The following KCNH1 variants were observed in gnomAD, a reference collection of about 807,000 sequenced individuals.
The protein encoded by KCNH1 is potassium voltage-gated channel subfamily H member 1.
Under a neutral mutation model 69.2 loss-of-function variants are expected in KCNH1, and 27 were observed. The observed-to-expected ratio is 0.39, with a 90% CI of 0.29 to 0.54. The LOEUF (loss-of-function observed/expected upper bound fraction) is 0.54. Ranked by LOEUF, KCNH1 falls within the 20% of genes least tolerant of loss-of-function variation. The pLI, the probability that KCNH1 is intolerant of heterozygous loss-of-function variation, is 0.68. For missense variants in KCNH1, 798 were observed against 1,261.6 expected (o/e 0.63, Z 5.57); for synonymous variants, 456 against 487.7 (o/e 0.93, Z 0.86).
At chr1:210,726,329 A>G (rs1682589798) in intron 10 of KCNH1, among the ~76,000 whole-genome samples, 1 of 152,198 alleles carries the variant, frequency 6.6e-6, no homozygotes. Flanking sequence ...GAGCAAATTG[A>G]TTATTCATGA....
chr1:210,919,527 CT>C lies in KCNH1; in HGVS notation c.1462+112del. On this transcript the variant is annotated intron_variant, in intron 7 of 10. Transcript: ENST00000271751. The surrounding 1 kb of genome is among the most constrained non-coding windows in gnomAD (Gnocchi z 4.2). ...AACTGTAAGCCTAGTCTTAAAAAAA[CT>C]CTTCCTTGTTTTAAGTTATTATTCT... 9.5e-7 allele frequency: 1 copy of C among 1,047,426 alleles called. No individual in the cohort carries two copies. The highest frequency in any genetic ancestry group is 1.5e-5 in the South Asian group (1 of 65,370). 64.9% of individuals were successfully genotyped at this position (1,047,426 alleles called of 1,614,324 possible). A position where few individuals can be genotyped will look rare whatever the true frequency, so the allele number is the denominator to read the frequency against.
intron 9 of KCNH1, among the ~76,000 whole-genome samples, chr1:210,794,832 A>G (rs1254438259): frequency 6.6e-6 from 1 of 152,256 alleles, no homozygotes; most frequent in Admixed American, 6.5e-5. Context: ...CATCTCAGCC[A>G]GGCAAACATA....
At chr1:211,058,399 AT>A (rs987948755) in intron 5 of KCNH1, among the ~76,000 whole-genome samples, 5 of 152,164 alleles carry the variant, frequency 3.3e-5, no homozygotes, top group Non-Finnish European at 7.4e-5. Context: ...TGGTAGCTAT[AT>A]TTTTTAAGAC....
At chr1:210,901,166 C>T (rs1686986707) in intron 7 of KCNH1, among the ~76,000 whole-genome samples, 1 of 152,058 alleles carries the variant, frequency 6.6e-6, no homozygotes, top group Admixed American at 6.6e-5. Context: ...CTAAATGGCA[C>T]CTCTACCCCC....
intron 10 of KCNH1, among the ~76,000 whole-genome samples, chr1:210,688,247 A>G (rs1681449559): frequency 6.6e-6 from 1 of 152,292 alleles, no homozygotes; most frequent in East Asian, 1.9e-4. Context: ...AGGGTATAGG[A>G]TGCTCTCTGT....
At chr1:211,035,536 T>G (rs978886648) in intron 5 of KCNH1, among the ~76,000 whole-genome samples, 4 of 152,210 alleles carry the variant, frequency 2.6e-5, no homozygotes, top group African/African-American at 9.6e-5. Flanking sequence ...GTACTGGCAT[T>G]CTAAAATATT....
At position 210,684,087 on chromosome 1, in the gene KCNH1, T is replaced by G. The variant is rs1455495870; in HGVS notation, c.2164A>C (p.Lys722Gln). The change falls in exon 11 of 11, where the codon AAA becomes CAA. Residue 722 changes from lysine to glutamine, a missense_variant. Transcript: ENST00000271751. ...DVKREEEERM[K>Q]RKNEAPLILP... ...ATCAGGGGGGCCTCATTCTTTCGTT[T>G]CATGCGTTCTTCCTCTTCACGTTTC... is the stretch of plus-strand genomic sequence containing the variant. 6.6e-7 allele frequency: 1 copy of G among 1,517,090 alleles called. No individual in the cohort carries two copies. The highest frequency in any genetic ancestry group is 1.4e-5 in the African/African-American group (1 of 71,712). The allele number at this position is 1,517,090 out of a possible 1,614,324, so 94.0% of individuals were successfully genotyped here.
chr1:210,927,602 G>A (rs1687597987), intron 6 of KCNH1, among the ~76,000 whole-genome samples: 2 of 151,830 alleles, frequency 1.3e-5, no homozygotes, highest in African/African-American at 4.8e-5. Flanking sequence ...CACCAAAATG[G>A]AACCTCCTTA....
At chr1:210,906,845 ACT>A (rs2102543462) in intron 7 of KCNH1, among the ~76,000 whole-genome samples, 1 of 152,264 alleles carries the variant, frequency 6.6e-6, no homozygotes, top group South Asian at 2.1e-4. Context: ...GGGCCAGAAC[ACT>A]CTCACACTGA....
At chr1:210,917,237 A>G (rs371301873) in intron 7 of KCNH1, among the ~76,000 whole-genome samples, 25 of 131,806 alleles carry the variant, frequency 1.9e-4, no homozygotes, top group African/African-American at 6.3e-4. Flanking sequence ...GAGAGAAAGA[A>G]AGAAAGAAAG....
At chr1:210,754,081 ATT>A (rs887829272) in intron 10 of KCNH1, among the ~76,000 whole-genome samples, 1 of 146,320 alleles carries the variant, frequency 6.8e-6, no homozygotes. Context: ...CGCCTGGCTA[ATT>A]TTTTTTTTTG....
chr1:210,681,949 G>A lies in KCNH1; in HGVS notation c.*1332C>T, dbSNP rs1681279581. ...CAAGCACATGAATAACCTGACTTAGGTGACCATGAGGCAGTGAAGTGTCCC... is the reference window on the plus strand; with the variant it reads ...CAAGCACATGAATAACCTGACTTAGATGACCATGAGGCAGTGAAGTGTCCC... On this transcript the variant is annotated 3_prime_UTR_variant, in exon 11 of 11. Coordinates refer to ENST00000271751, the MANE Select transcript of KCNH1 (RefSeq NM_172362.3). 2 of 152,252 alleles carry A rather than the reference G, an allele frequency of 1.3e-5. No homozygotes were observed. Among genetic ancestry groups the A allele is most frequent in the East Asian group, 1.9e-4 (1 of 5,156 alleles). 9.4% of individuals were successfully genotyped at this position (152,252 alleles called of 1,614,324 possible).
In KCNH1 at chr1:210,991,414, G is replaced by A. The variant is rs143130320; in HGVS notation, c.1032+27369C>T. On this transcript the variant is annotated intron_variant, in intron 6 of 10. Transcript: ENST00000271751. ...TTTGGAATCAAAAAAAGTCAAACCCGTAGAAGTATTGAGTAGAATGGTGGT... is the reference window on the plus strand; with the variant it reads ...TTTGGAATCAAAAAAAGTCAAACCCATAGAAGTATTGAGTAGAATGGTGGT... Among the ~76,000 whole-genome samples, 12 of 152,224 alleles carry A rather than the reference G, an allele frequency of 7.9e-5. No homozygotes were observed. The East Asian group carries it at 1.2e-3, about 15-fold the overall frequency.
At chr1:211,057,471 C>CA (rs930270310) in intron 5 of KCNH1, among the ~76,000 whole-genome samples, 6 of 151,432 alleles carry the variant, frequency 4.0e-5, no homozygotes, top group South Asian at 2.1e-4. Flanking sequence ...CCCATCTCTA[C>CA]AAAAAAAAAT....
intron 10 of KCNH1, among the ~76,000 whole-genome samples, chr1:210,726,701 T>A (rs146562901): frequency 2.2e-4 from 33 of 152,354 alleles, no homozygotes; most frequent in African/African-American, 7.7e-4. Context: ...AAAACCTTTT[T>A]ATTAAATGAG....
intron 5 of KCNH1, among the ~76,000 whole-genome samples, chr1:211,035,461 G>T (rs1689880391): frequency 6.6e-6 from 1 of 151,310 alleles, no homozygotes; most frequent in South Asian, 2.1e-4. Context: ...TTTTAGCCGG[G>T]ATGGTCTCGA....
At chr1:211,079,835 T>C (rs530859754) in intron 5 of KCNH1, among the ~76,000 whole-genome samples, 7 of 152,308 alleles carry the variant, frequency 4.6e-5, no homozygotes, top group African/African-American at 1.7e-4. Context: ...ATAAGAGCTA[T>C]TTATGACAAA....
At chr1:211,034,345 C>T (rs1689856021) in intron 5 of KCNH1, among the ~76,000 whole-genome samples, 1 of 151,676 alleles carries the variant, frequency 6.6e-6, no homozygotes, top group Non-Finnish European at 1.5e-5. Flanking sequence ...CTTATGACTC[C>T]ATATATATAA....
At chr1:211,015,120 T>C (rs1342304769) in intron 6 of KCNH1, among the ~76,000 whole-genome samples, 1 of 152,208 alleles carries the variant, frequency 6.6e-6, no homozygotes, top group East Asian at 1.9e-4. Flanking sequence ...ACTGCCCATG[T>C]CATCCCCAAC....
Sources: gnomAD v4.1 joint callset for allele counts (sites outside exome capture counted in the v4.1 genomes callset) on GRCh38, gnomAD v4.1.1 for gene constraint, Gnocchi (gnomAD v3.1) non-coding constraint, MANE v1.5 for transcripts, NCBI Gene and HGNC (gene_info 2026-07-23, HGNC 2026-07-21) for gene names.